The following TRMT11 variants were observed in gnomAD, a reference collection of about 807,000 sequenced individuals.
TRMT11 encodes the protein tRNA methyltransferase 11, also known as tRNA (guanine(10)-N(2))-methyltransferase TRMT11.
In TRMT11, 53 loss-of-function variants were observed where a neutral mutation model predicts 62.8. The observed-to-expected ratio is 0.84, with a 90% CI of 0.68 to 1.06. TRMT11 has a LOEUF of 1.06. TRMT11 is among the 50% of genes least tolerant of loss of function. The probability of loss-of-function intolerance (pLI) is 0.00; values close to 1 mark genes in which losing one functional copy is unlikely to be tolerated. For missense variants in TRMT11, 556 were observed against 553.4 expected (o/e 1.00, Z -0.05); for synonymous variants, 188 against 190.3 (o/e 0.99, Z 0.10).
the TRMT11 span, among the ~76,000 whole-genome samples, chr6:126,237,217 A>G: frequency 6.6e-6 from 1 of 152,290 alleles, no homozygotes; most frequent in East Asian, 1.9e-4. Flanking sequence ...AAACTATGTT[A>G]GATCCTTGTA....
At chr6:126,115,951 C>A (rs1410754814) in intron 21 of TRMT11, among the ~76,000 whole-genome samples, 1 of 151,736 alleles carries the variant, frequency 6.6e-6, no homozygotes, top group East Asian at 1.9e-4. Flanking sequence ...CAGCTCTGGG[C>A]TCCCCCCTCC....
chr6:126,144,559 G>T (rs932271073), intron 21 of TRMT11, among the ~76,000 whole-genome samples: 3 of 152,122 alleles, frequency 2.0e-5, no homozygotes, highest in Non-Finnish European at 4.4e-5. Context: ...AAAATAAATA[G>T]TAGTTTGCCT....
At chr6:126,060,231 T>C (rs1776492163) in intron 17 of TRMT11, among the ~76,000 whole-genome samples, 1 of 152,206 alleles carries the variant, frequency 6.6e-6, no homozygotes, top group Admixed American at 6.5e-5. Flanking sequence ...GCAGGATTTT[T>C]ATTAGACTTT....
the TRMT11 span, among the ~76,000 whole-genome samples, chr6:126,247,796 G>T: frequency 6.6e-6 from 1 of 151,828 alleles, no homozygotes; most frequent in East Asian, 1.9e-4. Flanking sequence ...TTCAAAAGGA[G>T]TTTAAGAAAG....
chr6:126,087,289 CAAA>C (rs974311695), intron 17 of TRMT11, among the ~76,000 whole-genome samples: 12 of 151,954 alleles, frequency 7.9e-5, no homozygotes, highest in African/African-American at 2.9e-4. Flanking sequence ...CAACCTGAAA[CAAA>C]AAGCAGATCA....
intron 21 of TRMT11, among the ~76,000 whole-genome samples, chr6:126,116,402 A>C (rs922836798): frequency 6.6e-6 from 1 of 152,088 alleles, no homozygotes; most frequent in African/African-American, 2.4e-5. Context: ...ATAAATGGGA[A>C]GTAAGTAATA....
chr6:126,119,861 C>G (rs1045599052), intron 21 of TRMT11, among the ~76,000 whole-genome samples: 2 of 152,060 alleles, frequency 1.3e-5, no homozygotes, highest in Non-Finnish European at 2.9e-5. Context: ...TAGCAATGAA[C>G]ACGTTTCAAC....
chr6:126,106,008 G>C (rs1238251481), intron 17 of TRMT11, among the ~76,000 whole-genome samples: 1 of 152,192 alleles, frequency 6.6e-6, no homozygotes. Context: ...CACGGAAGGT[G>C]CTCAATACAT....
rs778119723 is a variant in TRMT11 at position 126,038,794 on chromosome 6, A to C, written c.1350A>C (p.Val450=). ...NSFREKYFSG[V]TKRIAKEEKS... ...TCCGTGAGAAATATTTTAGTGGGGT[A>C]ACAAAAAGAATTGCCAAGGAAGAAA... is the stretch of plus-strand genomic sequence containing the variant. The change falls in exon 13 of 13, where the codon GTA becomes GTC. Residue 450 remains valine (V), a synonymous_variant. Coordinates refer to ENST00000334379, the MANE Select transcript of TRMT11 (RefSeq NM_001031712.3). 1.2e-6 allele frequency: 2 copies of C among 1,604,268 alleles called. No individual in the cohort carries two copies. The highest frequency in any genetic ancestry group is 2.3e-5 in the South Asian group (2 of 88,778).
At chr6:126,262,850 CT>C in the TRMT11 span, among the ~76,000 whole-genome samples, 1 of 152,162 alleles carries the variant, frequency 6.6e-6, no homozygotes, top group African/African-American at 2.4e-5. Flanking sequence ...CTGTCCTGGG[CT>C]TCTGTGCTCC....
chr6:126,216,755 C>T, the TRMT11 span, among the ~76,000 whole-genome samples: 1 of 151,936 alleles, frequency 6.6e-6, no homozygotes, highest in Admixed American at 6.6e-5. Context: ...GTTTTATAAC[C>T]TTCTTGTACC....
intron 17 of TRMT11, among the ~76,000 whole-genome samples, chr6:126,104,185 A>G (rs966395013): frequency 1.1e-4 from 17 of 152,208 alleles, no homozygotes; most frequent in African/African-American, 4.1e-4. Context: ...TAAAGCATCA[A>G]CTAGGAGGTG....
the TRMT11 span, among the ~76,000 whole-genome samples, chr6:126,211,069 T>C: frequency 1.3e-4 from 20 of 150,660 alleles, no homozygotes; most frequent in Non-Finnish European, 2.4e-4. Context: ...CCAAGGTGAA[T>C]ACAAACAATG....
intron 21 of TRMT11, among the ~76,000 whole-genome samples, chr6:126,138,486 A>G (rs550801220): frequency 3.3e-5 from 5 of 152,128 alleles, no homozygotes; most frequent in African/African-American, 1.2e-4. Flanking sequence ...TCAACATTGC[A>G]TATAGATAAT....
chr6:126,132,944 G>A (rs953598207), intron 21 of TRMT11, among the ~76,000 whole-genome samples: 1 of 151,918 alleles, frequency 6.6e-6, no homozygotes, highest in African/African-American at 2.4e-5. Flanking sequence ...AATTTTTAAA[G>A]GCATGTGTAT....
chr6:126,011,240 T>G lies in TRMT11; in HGVS notation c.761-13T>G. 6.2e-7 allele frequency: 1 copy of G among 1,602,332 alleles called. No homozygotes were observed. Among genetic ancestry groups the G allele is most frequent in the African/African-American group, 1.3e-5 (1 of 74,476 alleles). ...GTTTAATACTTTCTCTCTTCCTTTTTCTTTCCCTTCAGGAAAGGCTACTAG... is the reference window on the plus strand; with the variant it reads ...GTTTAATACTTTCTCTCTTCCTTTTGCTTTCCCTTCAGGAAAGGCTACTAG... On this transcript the variant is annotated splice_polypyrimidine_tract_variant and intron_variant, in intron 8 of 12. Transcript: ENST00000334379.
At chr6:126,137,921 A>G (rs1375230776) in intron 21 of TRMT11, among the ~76,000 whole-genome samples, 1 of 151,872 alleles carries the variant, frequency 6.6e-6, no homozygotes, top group Non-Finnish European at 1.5e-5. Flanking sequence ...ATAAAAGTAG[A>G]TCTCATGGAT....
intron 12 of TRMT11, among the ~76,000 whole-genome samples, chr6:126,030,905 G>A (rs10872306): frequency 0.43 from 65,463 of 152,020 alleles, 15,964 homozygotes; most frequent in East Asian, 0.92. Context: ...TATTTTCACT[G>A]AAGTTTCAGG....
At chr6:126,169,196 G>GC (rs1461265642) in intron 21 of TRMT11, among the ~76,000 whole-genome samples, 1 of 152,150 alleles carries the variant, frequency 6.6e-6, no homozygotes, top group East Asian at 1.9e-4. Context: ...ATTAAGGCAG[G>GC]CCAGCTTTAC....
Sources: gnomAD v4.1 joint callset for allele counts (sites outside exome capture counted in the v4.1 genomes callset) on GRCh38, gnomAD v4.1.1 for gene constraint, MANE v1.5 for transcripts, NCBI Gene and HGNC (gene_info 2026-07-23, HGNC 2026-07-21) for gene names.